TNFRSF10D: variants seen among roughly 807,000 people sequenced by gnomAD.
TNFRSF10D encodes tumor necrosis factor receptor superfamily member 10D.
TNFRSF10D carries 28 observed loss-of-function variants against 42.1 expected under a neutral mutation model. The ratio of observed to expected loss-of-function variants is 0.66; its 90% CI spans 0.49 to 0.91. The LOEUF is 0.91. Among genes scored for constraint, TNFRSF10D ranks in the 40% least tolerant of loss-of-function variants. TNFRSF10D has a pLI of 0.00. For synonymous variants in TNFRSF10D, 186 were observed against 189.4 expected (o/e 0.98, Z 0.15); for missense variants, 503 against 486.1 (o/e 1.03, Z -0.33).
At chr8:23,159,690 C>T (rs527446757) in intron 1 of TNFRSF10D, among the ~76,000 whole-genome samples, 10 of 152,168 alleles carry the variant, frequency 6.6e-5, no homozygotes, top group African/African-American at 2.2e-4. Flanking sequence ...GACAAAACCC[C>T]GTCTCTACTA....
intron 3 of TNFRSF10D, among the ~76,000 whole-genome samples, chr8:23,147,427 C>T (rs1431781620): frequency 6.6e-6 from 1 of 152,174 alleles, no homozygotes; most frequent in Non-Finnish European, 1.5e-5. Flanking sequence ...GAGGAAGGGG[C>T]CTGAGAACCT....
chr8:23,145,110 T>C (rs755234437), intron 5 of TNFRSF10D, 21 bp from the exon 6 acceptor site: 2 of 1,613,786 alleles, frequency 1.2e-6, no homozygotes, highest in Admixed American at 1.7e-5. Context: ...AGCAGTCTCC[T>C]GAGCAGGCGG....
Position 23,148,508 on chromosome 8 carries a change from T to A in TNFRSF10D, c.300A>T (p.Thr100=). The change falls in exon 3 of 9, where the codon ACA becomes ACT. Residue 100 remains threonine (T), a synonymous_variant. Transcript: ENST00000312584. The stretch of plus-strand genomic sequence containing the variant: ...AAGCAATGGTGTAATCCACACCCTC[T>A]GTGCACGGGTTACAGGCTCCAGTAT... ...SEYTGACNPC[T]EGVDYTIASN... 7 of 1,611,010 alleles carry A rather than the reference T, an allele frequency of 4.3e-6. No individual in the cohort carries two copies. The highest frequency in any genetic ancestry group is 5.9e-6 in the Non-Finnish European group (7 of 1,177,950).
At chr8:23,143,407 T>C (rs970653447) in intron 7 of TNFRSF10D, among the ~76,000 whole-genome samples, 4 of 152,126 alleles carry the variant, frequency 2.6e-5, no homozygotes, top group African/African-American at 9.7e-5. Context: ...GGTGAGAGGA[T>C]GACTTGAGGC....
intron 1 of TNFRSF10D, among the ~76,000 whole-genome samples, chr8:23,155,982 T>C (rs1800274471): frequency 6.6e-6 from 1 of 152,106 alleles, no homozygotes; most frequent in African/African-American, 2.4e-5. Flanking sequence ...CCACTAAATA[T>C]CAAAGAGTGA....
At chr8:23,158,296 G>A (rs1417371907) in intron 1 of TNFRSF10D, among the ~76,000 whole-genome samples, 5 of 152,106 alleles carry the variant, frequency 3.3e-5, no homozygotes, top group Non-Finnish European at 5.9e-5. Flanking sequence ...ATACGGATTC[G>A]CCGCCTTCAA....
chr8:23,135,971 G>A lies in TNFRSF10D; in HGVS notation c.*1899C>T. ...ACAAGGTGTGGGACGCCAGATGGAA[G>A]TGGGAGAGGATGGAAGTGCGAAGAC... On this transcript the variant is annotated 3_prime_UTR_variant, in exon 9 of 9. Transcript: ENST00000312584. 2.2e-6 allele frequency: 1 copy of A among 446,978 alleles called. No homozygotes were observed. The highest frequency in any genetic ancestry group is 7.0e-5 in the East Asian group (1 of 14,314). The allele number at this position is 446,978 out of a possible 1,614,324, so 27.7% of individuals were successfully genotyped here. A position where few individuals can be genotyped will look rare whatever the true frequency, so the allele number is the denominator to read the frequency against.
At chr8:23,154,809 C>G in intron 2 of TNFRSF10D, 65 bp downstream of exon 2, 1 of 1,494,644 alleles carries the variant, frequency 6.7e-7, no homozygotes, top group Non-Finnish European at 9.1e-7. Flanking sequence ...TGGTGTACAC[C>G]ATGAATATAT....
intron 2 of TNFRSF10D, among the ~76,000 whole-genome samples, chr8:23,149,204 A>G (rs924641158): frequency 2.9e-5 from 4 of 139,242 alleles, no homozygotes; most frequent in East Asian, 3.9e-4. Context: ...AAAAAAAAAA[A>G]AAAGAAAAGA....
At position 23,163,904 on chromosome 8, in the gene TNFRSF10D, G is replaced by A; in HGVS notation, c.32C>T (p.Ala11Val). The change falls in exon 1 of 9, where the codon GCC becomes GTC. Residue 11 changes from alanine to valine, a missense_variant. Transcript: ENST00000312584. Reference sequence around the variant, plus strand: ...ATAGCGCCCTGCTCGAGCGCTCGAGGCGGTCGGGACGCTTTGTCCCCAAAG... The same window carrying A: ...ATAGCGCCCTGCTCGAGCGCTCGAGACGGTCGGGACGCTTTGTCCCCAAAG... MGLWGQSVPT[A>V]SSARAGRYPG... 3 of 1,589,932 alleles carry A rather than the reference G, an allele frequency of 1.9e-6. No individual in the cohort carries two copies. The highest frequency in any genetic ancestry group is 2.6e-6 in the Non-Finnish European group (3 of 1,171,164).
At chr8:23,142,468 C>T (rs1800044421) in intron 7 of TNFRSF10D, among the ~76,000 whole-genome samples, 2 of 152,152 alleles carry the variant, frequency 1.3e-5, no homozygotes, top group Non-Finnish European at 2.9e-5. Context: ...AAGCTGGAGG[C>T]CATCATCCTA....
chr8:23,159,903 G>A (rs544735558), intron 1 of TNFRSF10D, among the ~76,000 whole-genome samples: 79 of 151,712 alleles, frequency 5.2e-4, no homozygotes, highest in Non-Finnish European at 8.2e-4. Context: ...CTGTGTACCT[G>A]TCTTATGTCA....
chr8:23,163,670 C>T (rs1168252801), intron 1 of TNFRSF10D, 116 bp downstream of exon 1: 1 of 1,484,648 alleles, frequency 6.7e-7, no homozygotes, highest in African/African-American at 1.4e-5. Context: ...CCTGCCCAGA[C>T]ATGCCCGGCC....
intron 2 of TNFRSF10D, among the ~76,000 whole-genome samples, chr8:23,153,069 A>G (rs965934073): frequency 2.6e-5 from 4 of 152,234 alleles, no homozygotes; most frequent in East Asian, 1.9e-4. Flanking sequence ...ATATAAATCA[A>G]TGCATTTACA....
chr8:23,147,044 C>T lies in TNFRSF10D; in HGVS notation c.399G>A (p.Thr133=), dbSNP rs765044142. ...CACACTGACACACGGTGTCTCTGGT[C>T]GTGGTACAGGAACTTTTATTTGTTT... ...SGQTNKSSCT[T]TRDTVCQCEK... is the part of the protein sequence containing the mutation. The change falls in exon 4 of 9, where the codon ACG becomes ACA. Residue 133 remains threonine (T), a synonymous_variant. Coordinates refer to ENST00000312584, the MANE Select transcript of TNFRSF10D (RefSeq NM_003840.5). 7 of 1,613,718 alleles carry T rather than the reference C, an allele frequency of 4.3e-6. No individual in the cohort carries two copies. The highest frequency in any genetic ancestry group is 1.1e-5 in the South Asian group (1 of 91,042).
chr8:23,140,461 A>G (rs76500091), intron 7 of TNFRSF10D, among the ~76,000 whole-genome samples: 747 of 151,760 alleles, frequency 4.9e-3, no homozygotes, highest in African/African-American at 0.016. Flanking sequence ...AAGATCTCTA[A>G]GAGAATTACA....
intron 3 of TNFRSF10D, among the ~76,000 whole-genome samples, chr8:23,148,060 G>A (rs185081970): frequency 5.3e-4 from 47 of 87,996 alleles, no homozygotes; most frequent in African/African-American, 1.9e-3. Flanking sequence ...ACGAGACTCC[G>A]TCTCCCAAAA....
At chr8:23,152,843 T>C (rs753761669) in intron 2 of TNFRSF10D, among the ~76,000 whole-genome samples, 2 of 152,186 alleles carry the variant, frequency 1.3e-5, no homozygotes, top group Non-Finnish European at 2.9e-5. Context: ...TCCAATGACA[T>C]TTTTTACCAA....
At chr8:23,154,356 A>G (rs1231434863) in intron 2 of TNFRSF10D, among the ~76,000 whole-genome samples, 1 of 152,228 alleles carries the variant, frequency 6.6e-6, no homozygotes, top group Non-Finnish European at 1.5e-5. Flanking sequence ...TTCTATTCAC[A>G]GGGAATATAT....
Sources: allele counts gnomAD v4.1 joint callset (sites outside exome capture counted in the v4.1 genomes callset), GRCh38; gene constraint gnomAD v4.1.1; transcripts MANE v1.5; gene names NCBI Gene and HGNC (gene_info 2026-07-23, HGNC 2026-07-21).